PHACTR2: variants seen among roughly 807,000 people sequenced by gnomAD.
PHACTR2 encodes chromosome 6 open reading frame 56.
Under a neutral mutation model 76.0 loss-of-function variants are expected in PHACTR2, and 30 were observed. The observed-to-expected ratio is 0.39, with a 90% CI of 0.30 to 0.54. PHACTR2 has a LOEUF of 0.54. PHACTR2 is among the 20% of genes least tolerant of loss of function. The pLI, the probability that PHACTR2 is intolerant of heterozygous loss-of-function variation, is 0.61. For missense variants in PHACTR2, 696 were observed against 781.1 expected, an observed-to-expected ratio of 0.89 and a Z score of 1.30; for synonymous variants, 292 against 292.5, an observed-to-expected ratio of 1.00 and a Z score of 0.02.
rs950676419 is a variant in PHACTR2, at chr6:143,708,349, T to C, written c.47-3667T>C. On this transcript the variant is annotated intron_variant, in intron 1 of 12. Transcript: ENST00000440869. This position sits in a 1 kb window ranked among gnomAD's most constrained non-coding sequence, Gnocchi z 5.5. Reference sequence around the variant, plus strand: ...TCTCTACATTTGATTAGCTAATGACTGTATTTCAAAATATGCTGTGTTTTA... The same window carrying C: ...TCTCTACATTTGATTAGCTAATGACCGTATTTCAAAATATGCTGTGTTTTA... 6.6e-6 allele frequency among the ~76,000 whole-genome samples: 1 copy of C among 152,226 alleles called. No individual in the cohort carries two copies. The highest frequency in any genetic ancestry group is 2.4e-5 in the African/African-American group (1 of 41,468).
At chr6:143,770,210 G>A (rs141483348) in intron 6 of PHACTR2, among the ~76,000 whole-genome samples, 1 of 152,280 alleles carries the variant, frequency 6.6e-6, no homozygotes, top group East Asian at 1.9e-4. Context: ...CATGAATGAA[G>A]GAACCTTGAA....
chr6:143,667,999 T>A (rs1374551172), intron 1 of PHACTR2, among the ~76,000 whole-genome samples: 1 of 152,246 alleles, frequency 6.6e-6, no homozygotes, highest in Non-Finnish European at 1.5e-5. Context: ...CTATTCAGTA[T>A]GCTATTGGCT....
At chr6:143,716,356 G>A (rs756664999) in intron 2 of PHACTR2, among the ~76,000 whole-genome samples, 1 of 152,062 alleles carries the variant, frequency 6.6e-6, no homozygotes, top group Non-Finnish European at 1.5e-5. Context: ...CTTGAACAGG[G>A]CCTTGGTCAC....
upstream of PHACTR2, among the ~76,000 whole-genome samples, chr6:143,606,863 G>A (rs1017134133): frequency 1.6e-4 from 25 of 152,026 alleles, no homozygotes; most frequent in African/African-American, 5.8e-4. Flanking sequence ...GAAATGACAG[G>A]GTTAAAAATC....
chr6:143,693,203 A>G (rs1404278935), intron 1 of PHACTR2, among the ~76,000 whole-genome samples: 1 of 151,956 alleles, frequency 6.6e-6, no homozygotes, highest in Non-Finnish European at 1.5e-5. Context: ...GAGGGACACA[A>G]TTCAGCCCAT....
chr6:143,695,199 T>C lies in PHACTR2; in HGVS notation c.47-16817T>C, dbSNP rs760281764. ...AGGCTGCAAACAAGACTCACTTCTC[T>C]TAGGCCCTGATCCGAATCCAGATTA... On this transcript the variant is annotated intron_variant, in intron 1 of 12. Coordinates refer to ENST00000440869, the MANE Select transcript of PHACTR2 (RefSeq NM_001100164.2). The surrounding 1 kb of genome is among the most constrained non-coding windows in gnomAD (Gnocchi z 4.4). Among the ~76,000 whole-genome samples the C allele has an allele frequency of 6.6e-6, 1 of 152,226 alleles. No homozygotes were observed. The highest frequency in any genetic ancestry group is 1.5e-5 in the Non-Finnish European group (1 of 68,036).
In PHACTR2 at chr6:143,777,190, G is replaced by A. The variant is rs1427993684; in HGVS notation, c.1590-138G>A. ...TCTGTAGTCTCCAAACTAATGGGAA[G>A]GAGACTTTTATTTTGCAGCTTTAAA... On this transcript the variant is annotated intron_variant, in intron 8 of 12. Coordinates refer to ENST00000440869, the MANE Select transcript of PHACTR2 (RefSeq NM_001100164.2). The surrounding 1 kb of genome is among the most constrained non-coding windows in gnomAD (Gnocchi z 4.6). 1.8e-6 allele frequency: 1 copy of A among 549,028 alleles called. No homozygotes were observed. Among genetic ancestry groups the A allele is most frequent in the South Asian group, 2.5e-5 (1 of 40,694 alleles). The allele number at this position is 549,028 out of a possible 1,614,324, so 34.0% of individuals were successfully genotyped here. A position where few individuals can be genotyped will look rare whatever the true frequency, so the allele number is the denominator to read the frequency against.
rs34096520 is a variant in PHACTR2, at chr6:143,652,066, CAA to C, written c.13+43758_13+43759del. On this transcript the variant is annotated intron_variant, in intron 1 of 11. Transcript: ENST00000305766. The surrounding 1 kb of genome is among the most constrained non-coding windows in gnomAD (Gnocchi z 4.5). ...AGAAATTAAAGTTCTGTTGTTTAAGCAAAAAAAAAAAAAAAGGCCGGTAAACA... is the reference window on the plus strand; with the variant it reads ...AGAAATTAAAGTTCTGTTGTTTAAGCAAAAAAAAAAAAAGGCCGGTAAACA... Among the ~76,000 whole-genome samples, 125 of 107,722 alleles carry C rather than the reference CAA, an allele frequency of 1.2e-3. No homozygotes were observed. The highest frequency in any genetic ancestry group is 1.7e-3 in the Non-Finnish European group (88 of 50,470). The allele number at this position is 107,722 out of a possible 152,430, so 70.7% of individuals were successfully genotyped here.
chr6:143,671,054 C>G lies in PHACTR2; in HGVS notation c.14-40962C>G, dbSNP rs9484789. 3.3e-5 allele frequency among the ~76,000 whole-genome samples: 5 copies of G among 151,884 alleles called. No homozygotes were observed. Among genetic ancestry groups the G allele is most frequent in the Non-Finnish European group, 5.9e-5 (4 of 67,974 alleles). On this transcript the variant is annotated intron_variant, in intron 1 of 11. Transcript: ENST00000305766. This position sits in a 1 kb window ranked among gnomAD's most constrained non-coding sequence, Gnocchi z 4.6. ...AAGCAATTCTCCTGCCTCAGCCTCC[C>G]GAGTAGCTGGGATTACAGGAATGCG...
intron 1 of PHACTR2, among the ~76,000 whole-genome samples, chr6:143,564,734 G>C (rs554507618): frequency 6.6e-6 from 1 of 152,210 alleles, no homozygotes; most frequent in Non-Finnish European, 1.5e-5. Context: ...TTCTCGGAAG[G>C]CCTGCTGATC....
At chr6:143,660,660 A>G (rs1776933526) in intron 1 of PHACTR2, among the ~76,000 whole-genome samples, 1 of 152,320 alleles carries the variant, frequency 6.6e-6, no homozygotes, top group Admixed American at 6.5e-5. Flanking sequence ...TCAGTAGTAA[A>G]TGAAACATGG....
rs918079209 is a variant in PHACTR2 at position 143,698,551 on chromosome 6, T to A, written c.47-13465T>A. On this transcript the variant is annotated intron_variant, in intron 1 of 12. Coordinates refer to ENST00000440869, the MANE Select transcript of PHACTR2 (RefSeq NM_001100164.2). This position sits in a 1 kb window ranked among gnomAD's most constrained non-coding sequence, Gnocchi z 4.3. ...TAAACCTCTGTAGCCCTCAAACAATTTTACCCTGAATTTTAACTCATAATT... is the reference window on the plus strand; with the variant it reads ...TAAACCTCTGTAGCCCTCAAACAATATTACCCTGAATTTTAACTCATAATT... Among the ~76,000 whole-genome samples the A allele has an allele frequency of 2.0e-5, 3 of 152,152 alleles. No homozygotes were observed. Among genetic ancestry groups the A allele is most frequent in the Non-Finnish European group, 4.4e-5 (3 of 68,028 alleles).
chr6:143,790,978 A>G (rs1297146983), intron 11 of PHACTR2, among the ~76,000 whole-genome samples: 1 of 152,198 alleles, frequency 6.6e-6, no homozygotes, highest in Non-Finnish European at 1.5e-5. Context: ...CGCCCGGCCA[A>G]CAAGATTCTT....
intron 1 of PHACTR2, among the ~76,000 whole-genome samples, chr6:143,629,718 A>T (rs1485949977): frequency 6.6e-6 from 1 of 151,982 alleles, no homozygotes; most frequent in Admixed American, 6.6e-5. Context: ...AGGAGGAAAA[A>T]ATTCCAAGGA....
rs1344438862 is a variant in PHACTR2, at chr6:143,828,982, T to C, written c.*5293T>C. 9 of 152,194 alleles carry C rather than the reference T, an allele frequency of 5.9e-5. No individual in the cohort carries two copies. Among genetic ancestry groups the C allele is most frequent in the Admixed American group, 4.6e-4 (7 of 15,268 alleles). The allele number at this position is 152,194 out of a possible 1,614,324, so 9.4% of individuals were successfully genotyped here. Reference sequence around the variant, plus strand: ...AAAAAGTGCCTATCCTCAAACATTGTCTCTGCTGCCTTGCATTTCTTTGGG... The same window carrying C: ...AAAAAGTGCCTATCCTCAAACATTGCCTCTGCTGCCTTGCATTTCTTTGGG... On this transcript the variant is annotated 3_prime_UTR_variant, in exon 13 of 13. Transcript: ENST00000440869. This position sits in a 1 kb window ranked among gnomAD's most constrained non-coding sequence, Gnocchi z 4.7.
upstream of PHACTR2, among the ~76,000 whole-genome samples, chr6:143,676,469 A>C (rs1167005235): frequency 2.0e-5 from 3 of 152,146 alleles, no homozygotes; most frequent in Non-Finnish European, 4.4e-5. This position sits in a 1 kb window ranked among gnomAD's most constrained non-coding sequence, Gnocchi z 4.8. Context: ...CTGATCAGTG[A>C]CCTCCCTTTA....
chr6:143,679,220 C>A lies in PHACTR2; in HGVS notation c.46+1011C>A, dbSNP rs1777328414. ...TCTGTCATTCCAACCCCCCACCCCA[C>A]TTTATACCCAGTGGGTTTCTTTAGG... On this transcript the variant is annotated intron_variant, in intron 1 of 12. Transcript: ENST00000440869. This position sits in a 1 kb window ranked among gnomAD's most constrained non-coding sequence, Gnocchi z 4.6. Among the ~76,000 whole-genome samples, 2 of 152,180 alleles carry A rather than the reference C, an allele frequency of 1.3e-5. No individual in the cohort carries two copies. Among genetic ancestry groups the A allele is most frequent in the African/African-American group, 4.8e-5 (2 of 41,434 alleles).
In PHACTR2 at chr6:143,709,783, C is replaced by T. The variant is rs983002552; in HGVS notation, c.47-2233C>T. The stretch of plus-strand genomic sequence containing the variant: ...TTCCCAGTGTGCAATGATTTGGCCA[C>T]CTCTGTATTAGGGGGAAGGGGAGAG... On this transcript the variant is annotated intron_variant, in intron 1 of 12. Transcript: ENST00000440869. The surrounding 1 kb of genome is among the most constrained non-coding windows in gnomAD (Gnocchi z 4.4). 7.9e-5 allele frequency among the ~76,000 whole-genome samples: 12 copies of T among 152,094 alleles called. No homozygotes were observed. Among genetic ancestry groups the T allele is most frequent in the African/African-American group, 2.7e-4 (11 of 41,388 alleles).
In PHACTR2 at chr6:143,822,577, C is replaced by T. The variant is rs540344147; in HGVS notation, c.1923-1097C>T. Reference sequence around the variant, plus strand: ...CCAGTATTTTTAAGGATAGTGTGAGCAACAGTGAGGAGCATAGATTTGATG... The same window carrying T: ...CCAGTATTTTTAAGGATAGTGTGAGTAACAGTGAGGAGCATAGATTTGATG... On this transcript the variant is annotated intron_variant, in intron 12 of 12. Coordinates refer to ENST00000440869, the MANE Select transcript of PHACTR2 (RefSeq NM_001100164.2). This position sits in a 1 kb window ranked among gnomAD's most constrained non-coding sequence, Gnocchi z 5.5. Among the ~76,000 whole-genome samples the T allele has an allele frequency of 6.6e-6, 1 of 152,208 alleles. No individual in the cohort carries two copies. The highest frequency in any genetic ancestry group is 1.9e-4 in the East Asian group (1 of 5,188).
Sources: allele counts gnomAD v4.1 joint callset (sites outside exome capture counted in the v4.1 genomes callset), GRCh38; gene constraint gnomAD v4.1.1; non-coding constraint Gnocchi (gnomAD v3.1); transcripts MANE v1.5; gene names NCBI Gene and HGNC (gene_info 2026-07-23, HGNC 2026-07-21).